Variants in COL9A1 observed in about 807,000 individuals in gnomAD.
COL9A1 encodes collagen type IX alpha 1 chain.
In COL9A1, 104 loss-of-function variants were observed where a neutral mutation model predicts 142.6. The observed-to-expected ratio is 0.73, with a 90% CI of 0.62 to 0.86. The LOEUF (loss-of-function observed/expected upper bound fraction) is 0.86. Ranked by LOEUF, COL9A1 falls within the 40% of genes least tolerant of loss-of-function variation. The pLI, the probability that COL9A1 is intolerant of heterozygous loss-of-function variation, is 0.00. For synonymous variants in COL9A1, 466 were observed against 396.0 expected (o/e 1.18, Z -2.10); for missense variants, 1,210 against 1,176.6 (o/e 1.03, Z -0.42).
At position 70,232,723 on chromosome 6, in the gene COL9A1, GCA is replaced by G. The variant is rs1769631840; in HGVS notation, c.2361_2362del (p.Ala788HisfsTer34). ...GCCAGGCCTTCCAGGAAGCCCAGTG[GCA>G]CCTGAGTCTGGACGCTTAAGACTGG... On this transcript the variant is annotated frameshift_variant, in exon 36 of 38. Coordinates refer to ENST00000357250, the MANE Select transcript of COL9A1 (RefSeq NM_001851.6). LOFTEE classifies it high-confidence loss of function. 17 of 1,613,768 alleles carry G rather than the reference GCA, an allele frequency of 1.1e-5. No individual in the cohort carries two copies. The highest frequency in any genetic ancestry group is 1.4e-5 in the Non-Finnish European group (16 of 1,179,988).
chr6:70,254,964 T>C lies in COL9A1; in HGVS notation c.1664A>G (p.Lys555Arg), dbSNP rs760838100. 2 of 1,614,116 alleles carry C rather than the reference T, an allele frequency of 1.2e-6. No homozygotes were observed. Among genetic ancestry groups the C allele is most frequent in the Non-Finnish European group, 1.7e-6 (2 of 1,179,966 alleles). Residue 555 changes from lysine (K) to arginine (R), a missense_variant and splice_region_variant, in exon 24 of 38, where the codon AAG becomes AGG. By Grantham distance (26) the Lys-to-Arg change is conservative. Coordinates refer to ENST00000357250, the MANE Select transcript of COL9A1 (RefSeq NM_001851.6). ...CTTGGAGTAAATTACACAGCCTACC[T>C]TTGTTCCAGGCATTCCAGGGATCCC... ...RDGIPGMPGT[K>R]GEPGKPGPPG...
chr6:70,272,916 C>T (rs576399168), intron 12 of COL9A1, among the ~76,000 whole-genome samples: 126 of 152,200 alleles, frequency 8.3e-4, no homozygotes, highest in African/African-American at 3.0e-3. Flanking sequence ...TCAATTTTTT[C>T]CCCTTGGGAT....
chr6:70,259,015 A>G (rs1269673503), intron 20 of COL9A1, among the ~76,000 whole-genome samples: 3 of 152,194 alleles, frequency 2.0e-5, no homozygotes, highest in Non-Finnish European at 4.4e-5. Flanking sequence ...TAAATATAGA[A>G]ATATGAATGC....
Position 70,239,237 on chromosome 6 carries a change from C to G in COL9A1, c.2112+17G>C, listed in dbSNP as rs1028433877. On this transcript the variant is annotated intron_variant, in intron 33 of 37. Coordinates refer to ENST00000357250, the MANE Select transcript of COL9A1 (RefSeq NM_001851.6). ...TGTTTTTAATTTTTTTATACCATTA[C>G]TATTCACCATACTTACAGATCCCTT... 6.7e-7 allele frequency: 1 copy of G among 1,499,390 alleles called. No homozygotes were observed. The highest frequency in any genetic ancestry group is 1.1e-5 in the South Asian group (1 of 88,022). 92.9% of individuals were successfully genotyped at this position (1,499,390 alleles called of 1,614,324 possible). A position where few individuals can be genotyped will look rare whatever the true frequency, so the allele number is the denominator to read the frequency against.
chr6:70,262,772 AT>A (rs1554240565), intron 19 of COL9A1, among the ~76,000 whole-genome samples: 2 of 152,174 alleles, frequency 1.3e-5, no homozygotes, highest in Non-Finnish European at 2.9e-5. Context: ...CGAGGGACCA[AT>A]TTTTTATTAA....
chr6:70,294,451 C>G lies in COL9A1; in HGVS notation c.412G>C (p.Gly138Arg), dbSNP rs1471305172. 6.2e-7 allele frequency: 1 copy of G among 1,614,104 alleles called. No individual in the cohort carries two copies. Among genetic ancestry groups the G allele is most frequent in the South Asian group, 1.1e-5 (1 of 91,086 alleles). Residue 138 changes from glycine to arginine, a missense_variant, in exon 5 of 38, where the codon GGG (glycine) becomes CGG (arginine). Coordinates refer to ENST00000357250, the MANE Select transcript of COL9A1 (RefSeq NM_001851.6). ...ATCTTTATGCCAACTTGCTCCTTCC[C>G]AGAGGAATCCTGAATCTGCCAAATG... ...WNIWQIQDSS[G>R]KEQVGIKING... is the part of the protein sequence containing the mutation.
Position 70,302,992 on chromosome 6 carries a change from C to G in COL9A1, c.-68G>C. ...GAAGGGGTTGGAAGGGAGTCACTGT[C>G]CCCTCACGACCCCTTCACTGTTACC... is the stretch of plus-strand genomic sequence containing the variant. On this transcript the variant is annotated 5_prime_UTR_variant, in exon 1 of 38. Transcript: ENST00000357250. 1 of 1,465,492 alleles carries G rather than the reference C, an allele frequency of 6.8e-7. No individual in the cohort carries two copies. Among genetic ancestry groups the G allele is most frequent in the Non-Finnish European group, 9.6e-7 (1 of 1,044,848 alleles). The allele number at this position is 1,465,492 out of a possible 1,614,324, so 90.8% of individuals were successfully genotyped here. A position where few individuals can be genotyped will look rare whatever the true frequency, so the allele number is the denominator to read the frequency against.
Position 70,260,692 on chromosome 6 carries a change from CT to C in COL9A1, c.1413del (p.Gly472AlafsTer5). On this transcript the variant is annotated frameshift_variant, in exon 20 of 38. Coordinates refer to ENST00000357250, the MANE Select transcript of COL9A1 (RefSeq NM_001851.6). LOFTEE classifies it high-confidence loss of function. Reference protein sequence around the residue: ...AQGPPGAQGLRGITGIVGDKG... With the variant: ...AQGPPGAQGLXGITGIVGDKG... ...TTGTCCCCAACTATGCCGGTGATGC[CT>C]CGCAAACCCTGGGCTCCCTGGAAAT... 6.2e-7 allele frequency: 1 copy of C among 1,613,870 alleles called. No homozygotes were observed. Among genetic ancestry groups the C allele is most frequent in the Non-Finnish European group, 8.5e-7 (1 of 1,179,934 alleles).
In COL9A1 at chr6:70,234,906, G is replaced by A; in HGVS notation, c.2147C>T (p.Pro716Leu). The A allele has an allele frequency of 6.2e-7, 1 of 1,614,136 alleles. No individual in the cohort carries two copies. The highest frequency in any genetic ancestry group is 1.6e-4 in the Middle Eastern group (1 of 6,062). ...GNPGEPGLRG[P>L]EGSRGLPGVE... ...TCCAGGAAGCCCCCGACTTCCCTCA[G>A]GCCCTCTCAAGCCAGGTTCCCCAGG... The change falls in exon 34 of 38, where the codon CCT (proline) becomes CTT (leucine). Residue 716 changes from proline (P) to leucine (L), a missense_variant. Physicochemically the swap from Pro to Leu is moderately conservative, Grantham distance 98 (BLOSUM62 -3). Coordinates refer to ENST00000357250, the MANE Select transcript of COL9A1 (RefSeq NM_001851.6).
At chr6:70,288,046 GA>G (rs2127601968) in intron 5 of COL9A1, among the ~76,000 whole-genome samples, 1 of 152,120 alleles carries the variant, frequency 6.6e-6, no homozygotes, top group East Asian at 1.9e-4. Context: ...CCTATCTGTT[GA>G]ACTCCGAAAG....
rs558944146 is a variant in COL9A1, at chr6:70,234,579, T to C, written c.2274A>G (p.Thr758=). Residue 758 remains threonine, a synonymous_variant, in exon 35 of 38, where the codon ACA becomes ACG. Transcript: ENST00000357250. ...TGCAAACCTGCTTAATGTGCTGATC[T>C]GTCGGTGCTCTACCCTGGGACAGAA... The part of the protein sequence containing the change: ...GVQGPPGRAP[T]DQHIKQVCMR... 3.7e-6 allele frequency: 6 copies of C among 1,614,264 alleles called. No individual in the cohort carries two copies. The highest frequency in any genetic ancestry group is 1.3e-5 in the African/African-American group (1 of 75,070).
chr6:70,266,407 T>C (rs994440140), intron 18 of COL9A1, among the ~76,000 whole-genome samples: 8 of 152,174 alleles, frequency 5.3e-5, no homozygotes, highest in Admixed American at 2.6e-4. Flanking sequence ...GTCTGAATAA[T>C]GTTGGACTAT....
chr6:70,260,623 T>C, intron 20 of COL9A1, 34 bp downstream of exon 20: 1 of 1,594,310 alleles, frequency 6.3e-7, no homozygotes, highest in East Asian at 2.2e-5. Context: ...ATTTAACACA[T>C]TTTGGTATTA....
chr6:70,223,121 T>G (rs1008977648), intron 37 of COL9A1, among the ~76,000 whole-genome samples: 1 of 152,128 alleles, frequency 6.6e-6, no homozygotes, highest in Admixed American at 6.5e-5. Context: ...GGGGCGGTGC[T>G]GATTTAGAGA....
At chr6:70,258,227 G>A (rs1771449024) in intron 20 of COL9A1, among the ~76,000 whole-genome samples, 1 of 152,012 alleles carries the variant, frequency 6.6e-6, no homozygotes, top group South Asian at 2.1e-4. Flanking sequence ...TATCTACTAA[G>A]TGAATAAAAA....
rs374198123 is a variant in COL9A1 at position 70,275,823 on chromosome 6, A to G, written c.976-1051T>C. On this transcript the variant is annotated intron_variant, in intron 10 of 37. Transcript: ENST00000357250. ...AACCCTTTCTATTATCAAGATTTTG[A>G]AGAAGACCCAAACAATATTGACAGA... 3.9e-5 allele frequency among the ~76,000 whole-genome samples: 6 copies of G among 152,202 alleles called. No individual in the cohort carries two copies. In the South Asian group the frequency reaches 1.0e-3, roughly 26 times the overall value.
chr6:70,251,266 C>T (rs1237633661), intron 28 of COL9A1, among the ~76,000 whole-genome samples: 3 of 152,246 alleles, frequency 2.0e-5, no homozygotes, highest in African/African-American at 2.4e-5. Flanking sequence ...AAAATACAGT[C>T]GGGCATGGTA....
chr6:70,281,010 G>A lies in COL9A1; in HGVS notation c.906C>T (p.Gly302=), dbSNP rs767230729. 7 of 1,613,142 alleles carry A rather than the reference G, an allele frequency of 4.3e-6. No individual in the cohort carries two copies. The highest frequency in any genetic ancestry group is 1.3e-5 in the African/African-American group (1 of 74,866). ...DGDRGPKGPP[G]PPGPAGEPGK... is the part of the protein sequence containing the mutation. ...TATGCTCCAATCAACTTACCGGGGG[G>A]CCCGGGGGGCCCTTAGGACCTCGGT... The change falls in exon 9 of 38, where the codon GGC becomes GGT. Residue 302 remains glycine (G), a synonymous_variant. Transcript: ENST00000357250.
At chr6:70,265,458 T>C (rs1239398689) in intron 18 of COL9A1, among the ~76,000 whole-genome samples, 2 of 152,020 alleles carry the variant, frequency 1.3e-5, no homozygotes, top group East Asian at 3.8e-4. Flanking sequence ...ACTCTATTAT[T>C]ATATGGCTAT....
Sources: allele counts gnomAD v4.1 joint callset (sites outside exome capture counted in the v4.1 genomes callset), GRCh38; gene constraint gnomAD v4.1.1; transcripts MANE v1.5; gene names NCBI Gene and HGNC (gene_info 2026-07-23, HGNC 2026-07-21).